The following RAB7A variants were observed in gnomAD, a reference collection of about 807,000 sequenced individuals.
RAB7A encodes the protein ras-related protein Rab-7a.
In RAB7A, 2 loss-of-function variants were observed where a neutral mutation model predicts 24.5. The ratio of observed to expected loss-of-function variants is 0.08; its 90% CI spans 0.03 to 0.26. The LOEUF (loss-of-function observed/expected upper bound fraction) is 0.26, where lower values mean the gene tolerates loss of function less well. Among genes scored for constraint, RAB7A ranks in the 10% least tolerant of loss-of-function variants. RAB7A has a pLI of 1.00. For synonymous variants in RAB7A, 100 were observed against 95.9 expected, an observed-to-expected ratio of 1.04 and a Z score of -0.25; for missense variants, 118 against 255.7, an observed-to-expected ratio of 0.46 and a Z score of 3.67.
intron 1 of RAB7A, among the ~76,000 whole-genome samples, chr3:128,739,857 G>A (rs2070532001): frequency 6.6e-6 from 1 of 152,114 alleles, no homozygotes; most frequent in Non-Finnish European, 1.5e-5. Context: ...ATCACTTGAG[G>A]TCAGTTGAAG....
chr3:128,748,973 A>C (rs970935828), intron 1 of RAB7A: 2 of 152,176 alleles, frequency 1.3e-5, no homozygotes, highest in African/African-American at 4.8e-5. Flanking sequence ...TCCCTGGAAG[A>C]TTTCTGAGGC....
intron 1 of RAB7A, among the ~76,000 whole-genome samples, chr3:128,759,920 G>A (rs903553587): frequency 6.6e-5 from 10 of 152,110 alleles, no homozygotes; most frequent in Non-Finnish European, 4.4e-5. Context: ...ATATTGGTCA[G>A]GCTGGTCTCT....
At chr3:128,809,931 ACAGTCTTTTTTTTTT>A (rs1172217908) in intron 5 of RAB7A, among the ~76,000 whole-genome samples, 1 of 67,328 alleles carries the variant, frequency 1.5e-5, no homozygotes. Flanking sequence ...TCCTCTTGCC[ACAGTCTTTTTTTTTT>A]TTTTTTTTTT....
intron 1 of RAB7A, among the ~76,000 whole-genome samples, chr3:128,742,349 C>T (rs965294782): frequency 1.3e-5 from 2 of 152,080 alleles, no homozygotes; most frequent in Admixed American, 6.6e-5. Context: ...CTGCAAAGAG[C>T]GAAAGAACAA....
chr3:128,783,250 C>G (rs996626713), intron 1 of RAB7A, among the ~76,000 whole-genome samples: 2 of 146,170 alleles, frequency 1.4e-5, no homozygotes, highest in Non-Finnish European at 3.0e-5. Flanking sequence ...CTGCTCTATC[C>G]TCCTCCTGCC....
intron 1 of RAB7A, among the ~76,000 whole-genome samples, chr3:128,731,043 C>G (rs543949471): frequency 2.6e-5 from 4 of 152,312 alleles, no homozygotes; most frequent in Non-Finnish European, 5.9e-5. Context: ...AGGAAGTTCT[C>G]TCTTCTCCCT....
intron 1 of RAB7A, among the ~76,000 whole-genome samples, chr3:128,735,887 C>T (rs912052341): frequency 2.0e-5 from 3 of 152,206 alleles, no homozygotes; most frequent in African/African-American, 7.2e-5. Flanking sequence ...CCTGGTCTCT[C>T]GTTAGAGACT....
intron 1 of RAB7A, among the ~76,000 whole-genome samples, chr3:128,732,578 C>T (rs185315003): frequency 5.9e-5 from 9 of 152,162 alleles, no homozygotes; most frequent in Non-Finnish European, 1.2e-4. Flanking sequence ...GGAGTAATCC[C>T]AGCACTTTGG....
At chr3:128,767,544 A>AT (rs1419751533) in intron 1 of RAB7A, among the ~76,000 whole-genome samples, 1 of 152,190 alleles carries the variant, frequency 6.6e-6, no homozygotes, top group Non-Finnish European at 1.5e-5. Flanking sequence ...TTAGGGAAAG[A>AT]TTTGTATGGC....
Position 128,781,745 on chromosome 3 carries a change from G to A in RAB7A, c.-8-13615G>A, listed in dbSNP as rs150100313. Among the ~76,000 whole-genome samples the A allele has an allele frequency of 4.0e-5, 6 of 149,850 alleles. No individual in the cohort carries two copies. The South Asian group carries it at 6.4e-4, about 16-fold the overall frequency. ...GAAACCCATGGTTGTGGCCGGGCAC[G>A]GTGGCTTACTGTAATCCCAGCACTT... On this transcript the variant is annotated intron_variant, in intron 1 of 5. Transcript: ENST00000265062.
chr3:128,762,686 G>A (rs2070784968), intron 1 of RAB7A, among the ~76,000 whole-genome samples: 1 of 152,182 alleles, frequency 6.6e-6, no homozygotes, highest in Non-Finnish European at 1.5e-5. Context: ...CCACTTCAGT[G>A]GGAGAGCCTG....
At chr3:128,784,292 G>GAC (rs1933285001) in intron 1 of RAB7A, among the ~76,000 whole-genome samples, 1 of 152,168 alleles carries the variant, frequency 6.6e-6, no homozygotes, top group African/African-American at 2.4e-5. Context: ...GGTCCCATGA[G>GAC]ACATAAACAC....
intron 1 of RAB7A, among the ~76,000 whole-genome samples, chr3:128,766,027 G>T (rs2070828197): frequency 6.6e-6 from 1 of 152,114 alleles, no homozygotes; most frequent in African/African-American, 2.4e-5. Context: ...CTCCCAGAGT[G>T]CTGTGATTAC....
At chr3:128,783,345 TCTTG>T (rs1341051355) in intron 1 of RAB7A, among the ~76,000 whole-genome samples, 1 of 151,850 alleles carries the variant, frequency 6.6e-6, no homozygotes, top group African/African-American at 2.4e-5. Context: ...CCCCAGGTGC[TCTTG>T]CGTTTGAGGG....
At chr3:128,777,947 C>T (rs1005169829) in intron 1 of RAB7A, among the ~76,000 whole-genome samples, 6 of 152,176 alleles carry the variant, frequency 3.9e-5, no homozygotes, top group African/African-American at 7.2e-5. Context: ...CTCCTGACCT[C>T]AAGTGATCTG....
intron 1 of RAB7A, among the ~76,000 whole-genome samples, chr3:128,762,269 C>T (rs1454891843): frequency 6.6e-6 from 1 of 152,062 alleles, no homozygotes; most frequent in Non-Finnish European, 1.5e-5. Flanking sequence ...ATGAAAAAGG[C>T]TAAGGAGGAG....
intron 1 of RAB7A, among the ~76,000 whole-genome samples, chr3:128,746,831 G>T (rs2070621555): frequency 6.6e-6 from 1 of 151,470 alleles, no homozygotes; most frequent in African/African-American, 2.4e-5. Flanking sequence ...GCCCGGCCGG[G>T]GTTCAACTTT....
Position 128,806,710 on chromosome 3 carries a change from A to AC in RAB7A, c.399+122dup, listed in dbSNP as rs1933811474. ...GGAGGTGCTGGTGGGAGTCTTCATTACCATATGCCAGCCCTTCAGGCCAAC... is the reference window on the plus strand; with the variant it reads ...GGAGGTGCTGGTGGGAGTCTTCATTACCCATATGCCAGCCCTTCAGGCCAAC... On this transcript the variant is annotated intron_variant, in intron 4 of 5. Coordinates refer to ENST00000265062, the MANE Select transcript of RAB7A (RefSeq NM_004637.6). 3 of 1,040,812 alleles carry AC rather than the reference A, an allele frequency of 2.9e-6. No individual in the cohort carries two copies. The East Asian group carries it at 7.8e-5, about 27-fold the overall frequency. 64.5% of individuals were successfully genotyped at this position (1,040,812 alleles called of 1,614,324 possible).
intron 1 of RAB7A, among the ~76,000 whole-genome samples, chr3:128,741,704 C>G (rs1435354099): frequency 6.6e-6 from 1 of 151,988 alleles, no homozygotes; most frequent in Non-Finnish European, 1.5e-5. Context: ...TTTTTTAACT[C>G]TTCTGTTTCA....
Sources: allele counts gnomAD v4.1 joint callset (sites outside exome capture counted in the v4.1 genomes callset), GRCh38; gene constraint gnomAD v4.1.1; transcripts MANE v1.5; gene names NCBI Gene and HGNC (gene_info 2026-07-23, HGNC 2026-07-21).